The following KIAA1328 variants were observed in gnomAD, a reference collection of about 807,000 sequenced individuals.
The protein encoded by KIAA1328 is KIAA1328.
KIAA1328 carries 52 observed loss-of-function variants against 68.1 expected under a neutral mutation model. The observed-to-expected ratio is 0.76, with a 90% CI of 0.61 to 0.96. The LOEUF is 0.96. KIAA1328 is among the 40% of genes least tolerant of loss of function. KIAA1328 has a pLI of 0.00. For synonymous variants in KIAA1328, 232 were observed against 239.4 expected, an observed-to-expected ratio of 0.97 and a Z score of 0.28; for missense variants, 641 against 677.6, an observed-to-expected ratio of 0.95 and a Z score of 0.60.
intron 7 of KIAA1328, among the ~76,000 whole-genome samples, chr18:37,095,283 C>A (rs749025873): frequency 3.3e-5 from 5 of 152,180 alleles, no homozygotes; most frequent in African/African-American, 9.7e-5. Context: ...AATATGCATT[C>A]TTCTCGTCAG....
intron 5 of KIAA1328, among the ~76,000 whole-genome samples, chr18:36,906,188 A>T (rs193190731): frequency 1.3e-5 from 2 of 152,082 alleles, no homozygotes; most frequent in Non-Finnish European, 2.9e-5. Context: ...GAATCCTCCA[A>T]TCTCCTAAAT....
chr18:37,098,546 G>C (rs953065217), intron 7 of KIAA1328, among the ~76,000 whole-genome samples: 2 of 151,912 alleles, frequency 1.3e-5, no homozygotes, highest in Non-Finnish European at 2.9e-5. Flanking sequence ...TTTTTTTGTT[G>C]TGTCTCTGCC....
intron 6 of KIAA1328, among the ~76,000 whole-genome samples, chr18:37,052,792 G>A (rs7238277): frequency 0.27 from 40,643 of 151,828 alleles, 8,573 homozygotes; most frequent in African/African-American, 0.59. Context: ...AGCTAACCAA[G>A]GAAGTGAGAT....
At chr18:37,036,454 CTGAT>C (rs2055031611) in intron 6 of KIAA1328, among the ~76,000 whole-genome samples, 1 of 152,214 alleles carries the variant, frequency 6.6e-6, no homozygotes, top group Admixed American at 6.5e-5. Flanking sequence ...CTAGGTGAGA[CTGAT>C]TGGTAGAAGC....
At chr18:36,974,492 C>G (rs1215396358) in intron 6 of KIAA1328, among the ~76,000 whole-genome samples, 1 of 151,952 alleles carries the variant, frequency 6.6e-6, no homozygotes, top group Non-Finnish European at 1.5e-5. Flanking sequence ...TCTTTTTTTG[C>G]GGATGAATAG....
rs964824720 is a variant in KIAA1328, at chr18:37,036,208, T to A, written c.577-30682T>A. Among the ~76,000 whole-genome samples, 23 of 152,246 alleles carry A rather than the reference T, an allele frequency of 1.5e-4. 1 individual carries two copies. Among genetic ancestry groups the A allele is most frequent in the Admixed American group, 1.3e-3 (20 of 15,284 alleles). On this transcript the variant is annotated intron_variant, in intron 6 of 9. Transcript: ENST00000280020. ...TCTGTGAAAGAAACCACACTTGGTT[T>A]GAGTTGTTTCTGGAGCATTGAAAGG...
At chr18:36,874,961 C>G (rs1260787945) in intron 4 of KIAA1328, among the ~76,000 whole-genome samples, 1 of 151,988 alleles carries the variant, frequency 6.6e-6, no homozygotes, top group African/African-American at 2.4e-5. Flanking sequence ...TTGTTTCTGT[C>G]AGGTTTGTCA....
chr18:37,179,494 C>T (rs974288488), intron 9 of KIAA1328, among the ~76,000 whole-genome samples: 2 of 152,122 alleles, frequency 1.3e-5, no homozygotes, highest in African/African-American at 2.4e-5. Context: ...TTGCTGTAAG[C>T]TCATGCCTTG....
At chr18:37,095,366 A>G (rs996449418) in intron 7 of KIAA1328, among the ~76,000 whole-genome samples, 2 of 152,224 alleles carry the variant, frequency 1.3e-5, no homozygotes, top group Admixed American at 6.5e-5. Context: ...AAATATCAAC[A>G]TCATATGAAA....
intron 9 of KIAA1328, among the ~76,000 whole-genome samples, chr18:37,207,306 C>G (rs1188181403): frequency 6.6e-6 from 1 of 152,124 alleles, no homozygotes; most frequent in Non-Finnish European, 1.5e-5. Flanking sequence ...CCCATTTTGG[C>G]TATTGCAGCT....
intron 5 of KIAA1328, among the ~76,000 whole-genome samples, chr18:36,927,419 T>G (rs1262819573): frequency 2.6e-5 from 4 of 152,158 alleles, no homozygotes; most frequent in African/African-American, 9.7e-5. Flanking sequence ...AGTAATAACT[T>G]TTTCCTTGAT....
At chr18:37,188,078 G>C (rs1177618384) in intron 9 of KIAA1328, among the ~76,000 whole-genome samples, 1 of 152,202 alleles carries the variant, frequency 6.6e-6, no homozygotes, top group Non-Finnish European at 1.5e-5. Context: ...AGCAATTGGC[G>C]TTGAGCTTCA....
intron 9 of KIAA1328, among the ~76,000 whole-genome samples, chr18:37,201,834 A>G (rs1480777499): frequency 1.3e-5 from 2 of 152,186 alleles, no homozygotes; most frequent in Non-Finnish European, 2.9e-5. Flanking sequence ...AAGGTCAGGA[A>G]CCTTGTAGGG....
chr18:37,025,754 G>C (rs2054547735), intron 6 of KIAA1328, among the ~76,000 whole-genome samples: 1 of 152,130 alleles, frequency 6.6e-6, no homozygotes, highest in Middle Eastern at 3.2e-3. Flanking sequence ...AGCACTAAAT[G>C]CCCACAAGAG....
At chr18:37,133,200 C>T (rs774022891) in intron 7 of KIAA1328, among the ~76,000 whole-genome samples, 19 of 151,960 alleles carry the variant, frequency 1.3e-4, no homozygotes, top group East Asian at 5.8e-4. Flanking sequence ...GGTGTGATGG[C>T]GCATGCCTGT....
intron 6 of KIAA1328, among the ~76,000 whole-genome samples, chr18:37,038,134 C>T (rs1294800851): frequency 6.6e-6 from 1 of 151,850 alleles, no homozygotes; most frequent in Non-Finnish European, 1.5e-5. Flanking sequence ...GGGAAGATGG[C>T]TGCCATGTCA....
intron 5 of KIAA1328, among the ~76,000 whole-genome samples, chr18:36,922,099 A>C (rs1409401241): frequency 6.6e-6 from 1 of 151,944 alleles, no homozygotes; most frequent in African/African-American, 2.4e-5. Context: ...ATATGTAGCT[A>C]GTCAAGTCAT....
At chr18:37,117,290 A>G (rs2151921742) in intron 7 of KIAA1328, among the ~76,000 whole-genome samples, 1 of 152,316 alleles carries the variant, frequency 6.6e-6, no homozygotes, top group South Asian at 2.1e-4. Flanking sequence ...TGGCACATAT[A>G]CACCATGGAA....
At chr18:36,987,393 C>T (rs1488866808) in intron 6 of KIAA1328, among the ~76,000 whole-genome samples, 2 of 146,380 alleles carry the variant, frequency 1.4e-5, no homozygotes, top group Non-Finnish European at 3.0e-5. Flanking sequence ...CTAGATGACA[C>T]GTTAGTGGGT....
Sources: gnomAD v4.1 joint callset for allele counts (sites outside exome capture counted in the v4.1 genomes callset) on GRCh38, gnomAD v4.1.1 for gene constraint, MANE v1.5 for transcripts, NCBI Gene and HGNC (gene_info 2026-07-23, HGNC 2026-07-21) for gene names.